Variants in RAPGEF6 observed in about 807,000 individuals in gnomAD.
The protein encoded by RAPGEF6 is PDZ domain containing guanine nucleotide exchange factor (GEF) 2.
A neutral mutation model predicts 171.4 loss-of-function variants in RAPGEF6; 56 were observed. That is an observed-to-expected ratio of 0.33 (90% CI 0.26 to 0.41). The LOEUF (loss-of-function observed/expected upper bound fraction) is 0.41. Ranked by LOEUF, RAPGEF6 falls within the 10% of genes least tolerant of loss-of-function variation. RAPGEF6 has a pLI of 1.00. For missense variants in RAPGEF6, 1,674 were observed against 1,921.4 expected (o/e 0.87, Z 2.41); for synonymous variants, 692 against 650.1 (o/e 1.06, Z -0.98).
chr5:131,622,408 C>G (rs773805618), intron 1 of RAPGEF6, among the ~76,000 whole-genome samples: 8 of 152,216 alleles, frequency 5.3e-5, no homozygotes, highest in Non-Finnish European at 1.2e-4. Flanking sequence ...CTCTATAACA[C>G]TGTGTTTATC....
chr5:131,440,309 A>T (rs1752297192), intron 23 of RAPGEF6: 3 of 448,970 alleles, frequency 6.7e-6, no homozygotes, highest in Non-Finnish European at 1.3e-5. Flanking sequence ...GATTCCTTAC[A>T]GTCCTATCAT....
At chr5:131,615,343 G>A (rs1242953704) in intron 1 of RAPGEF6, among the ~76,000 whole-genome samples, 12 of 152,156 alleles carry the variant, frequency 7.9e-5, no homozygotes, top group Admixed American at 6.5e-5. Context: ...GTTTACACAG[G>A]ACAGCATGGA....
intron 19 of RAPGEF6, among the ~76,000 whole-genome samples, chr5:131,459,276 T>C (rs537817831): frequency 1.3e-5 from 2 of 152,348 alleles, no homozygotes; most frequent in East Asian, 3.9e-4. Flanking sequence ...AAGATATATT[T>C]CTTTATCTCA....
At chr5:131,455,318 G>A (rs907534849) in intron 20 of RAPGEF6, among the ~76,000 whole-genome samples, 9 of 152,218 alleles carry the variant, frequency 5.9e-5, no homozygotes, top group Admixed American at 1.3e-4. Flanking sequence ...GAGTGCAGTG[G>A]CGCCATCTAG....
intron 11 of RAPGEF6, 64 bp downstream of exon 11, chr5:131,504,562 A>C: frequency 6.8e-7 from 1 of 1,460,214 alleles, no homozygotes; most frequent in Non-Finnish European, 9.2e-7. Context: ...ATGGTTTAAA[A>C]CAAGATGAAA....
intron 11 of RAPGEF6, among the ~76,000 whole-genome samples, chr5:131,499,196 T>C (rs1392532557): frequency 6.6e-6 from 1 of 152,244 alleles, no homozygotes; most frequent in Non-Finnish European, 1.5e-5. Flanking sequence ...CTCTCCATGC[T>C]AGGTCACCAT....
intron 16 of RAPGEF6, among the ~76,000 whole-genome samples, chr5:131,474,842 A>G (rs1210663441): frequency 6.6e-6 from 1 of 152,202 alleles, no homozygotes; most frequent in African/African-American, 2.4e-5. Flanking sequence ...ATTTTTGGAC[A>G]CAGAGGGTGC....
chr5:131,512,332 GTGGTCAATAAACTAACCTTT>G (rs1176006912), intron 7 of RAPGEF6, among the ~76,000 whole-genome samples: 2 of 151,858 alleles, frequency 1.3e-5, no homozygotes, highest in African/African-American at 4.8e-5. Context: ...GCTTTCTCTG[GTGGTCAATAAACTAACCTTT>G]TGGCTTTACA....
chr5:131,528,312 AT>A (rs372157460), intron 6 of RAPGEF6, among the ~76,000 whole-genome samples: 5,351 of 40,258 alleles, frequency 0.13, 700 homozygotes, highest in African/African-American at 0.28. Flanking sequence ...ATATATTTAT[AT>A]TATATATATA....
At chr5:131,446,206 T>C (rs894505344) in intron 22 of RAPGEF6, among the ~76,000 whole-genome samples, 1 of 152,220 alleles carries the variant, frequency 6.6e-6, no homozygotes, top group Non-Finnish European at 1.5e-5. Flanking sequence ...TATAAAAATG[T>C]TCTCAAACAG....
intron 1 of RAPGEF6, among the ~76,000 whole-genome samples, chr5:131,613,234 C>A (rs937803902): frequency 6.6e-6 from 1 of 152,120 alleles, no homozygotes; most frequent in African/African-American, 2.4e-5. Flanking sequence ...CACGGTGAAA[C>A]CCCGTCTCTA....
At chr5:131,491,952 G>A (rs1057269495) in intron 14 of RAPGEF6, among the ~76,000 whole-genome samples, 42 of 152,300 alleles carry the variant, frequency 2.8e-4, no homozygotes, top group African/African-American at 1.0e-3. Flanking sequence ...ACAGGATTGA[G>A]AGAAGCCTGA....
chr5:131,463,888 A>G (rs570944740), intron 18 of RAPGEF6, 153 bp downstream of exon 18: 548 of 1,379,586 alleles, frequency 4.0e-4, no homozygotes, highest in Non-Finnish European at 5.0e-4. Context: ...AGTTTATTTT[A>G]GCAGGAGTGA....
chr5:131,604,612 A>C lies in RAPGEF6; in HGVS notation c.140+11T>G, dbSNP rs1401529679. 1.2e-6 allele frequency: 2 copies of C among 1,610,402 alleles called. No homozygotes were observed. The highest frequency in any genetic ancestry group is 1.7e-5 in the Admixed American group (1 of 59,022). ...TACAGCGTGTGCTCTTAAATACAGAACGACACTTACCTAAGCTGATGTTCC... is the reference window on the plus strand; with the variant it reads ...TACAGCGTGTGCTCTTAAATACAGACCGACACTTACCTAAGCTGATGTTCC... On this transcript the variant is annotated intron_variant, in intron 2 of 27. Transcript: ENST00000509018.
In RAPGEF6 at chr5:131,441,192, A is replaced by T. The variant is rs192981918; in HGVS notation, c.3610+1157T>A. Among the ~76,000 whole-genome samples the T allele has an allele frequency of 3.1e-3, 472 of 152,362 alleles. 2 individuals carry two copies. The highest frequency in any genetic ancestry group is 5.3e-3 in the Non-Finnish European group (360 of 68,028). The stretch of plus-strand genomic sequence containing the variant: ...TGGTTAAAGGCAAAGATTTAAAGCC[A>T]GTCAGCCTTCCTTTAGCCTCTATGC... On this transcript the variant is annotated intron_variant, in intron 23 of 27. Coordinates refer to ENST00000509018, the MANE Select transcript of RAPGEF6 (RefSeq NM_016340.6).
chr5:131,454,028 A>G (rs1753303356), intron 20 of RAPGEF6, among the ~76,000 whole-genome samples: 1 of 152,206 alleles, frequency 6.6e-6, no homozygotes. Context: ...CAGAGAAGCA[A>G]GTTTTGCATT....
intron 4 of RAPGEF6, among the ~76,000 whole-genome samples, chr5:131,590,697 T>C (rs1236241602): frequency 1.4e-4 from 21 of 152,188 alleles, no homozygotes; most frequent in Admixed American, 1.2e-3. Context: ...TACCATGATT[T>C]TTCTAAAATC....
At chr5:131,569,095 A>C (rs887889386) in intron 4 of RAPGEF6, among the ~76,000 whole-genome samples, 13 of 152,242 alleles carry the variant, frequency 8.5e-5, no homozygotes, top group Non-Finnish European at 1.5e-4. Flanking sequence ...ATATATGCAG[A>C]AGCAAGCCAT....
chr5:131,634,964 C>G lies in RAPGEF6; in HGVS notation c.67G>C (p.Glu23Gln), dbSNP rs576014852. The stretch of plus-strand genomic sequence containing the variant: ...ACATAAAGGTCAACCAGCCTCACCT[C>G]GGGAGTCCGCTCGGGTGGCTTCTTC... ...LRKKPPERTPEDLNTIYSYLH... is the reference protein window; with the variant it reads ...LRKKPPERTPQDLNTIYSYLH... Residue 23 changes from glutamate to glutamine, a missense_variant and splice_region_variant, in exon 1 of 28, where the codon GAG (glutamate) becomes CAG (glutamine). Coordinates refer to ENST00000509018, the MANE Select transcript of RAPGEF6 (RefSeq NM_016340.6). 38 of 1,614,120 alleles carry G rather than the reference C, an allele frequency of 2.4e-5. No individual in the cohort carries two copies. The African/African-American group carries it at 4.9e-4, about 21-fold the overall frequency.
Sources: allele counts gnomAD v4.1 joint callset (sites outside exome capture counted in the v4.1 genomes callset), GRCh38; gene constraint gnomAD v4.1.1; transcripts MANE v1.5; gene names NCBI Gene and HGNC (gene_info 2026-07-23, HGNC 2026-07-21).